Variants in COLEC12 observed in about 807,000 individuals in gnomAD.
COLEC12 encodes the protein collectin subfamily member 12, also known as collectin-12.
A neutral mutation model predicts 71.1 loss-of-function variants in COLEC12; 33 were observed. That is an observed-to-expected ratio of 0.46 (90% CI 0.35 to 0.62). COLEC12 has a LOEUF of 0.62. Among genes scored for constraint, COLEC12 ranks in the 20% least tolerant of loss-of-function variants. The pLI is 0.00. For missense variants in COLEC12, 765 were observed against 916.1 expected, an observed-to-expected ratio of 0.84 and a Z score of 2.13; for synonymous variants, 350 against 353.0, an observed-to-expected ratio of 0.99 and a Z score of 0.10.
chr18:488,227 AT>A (rs1917555207), intron 1 of COLEC12, among the ~76,000 whole-genome samples: 2 of 152,058 alleles, frequency 1.3e-5, no homozygotes, highest in South Asian at 4.2e-4. Flanking sequence ...CCTGGCCAAC[AT>A]GGTGAAACCT....
chr18:372,953 A>C (rs1462643417), intron 2 of COLEC12, among the ~76,000 whole-genome samples: 1 of 152,172 alleles, frequency 6.6e-6, no homozygotes, highest in Non-Finnish European at 1.5e-5. Flanking sequence ...CAGAGACTAC[A>C]GCTCTGTGGC....
At chr18:334,661 G>A in intron 6 of COLEC12, 81 bp downstream of exon 6, 1 of 1,238,836 alleles carries the variant, frequency 8.1e-7, no homozygotes, top group Non-Finnish European at 1.1e-6. Context: ...AACATGGGTG[G>A]GGCCACACAC....
rs1000826799 is a variant in COLEC12 at position 378,246 on chromosome 18, C to A, written c.59-20724G>T. 5.3e-5 allele frequency among the ~76,000 whole-genome samples: 8 copies of A among 152,150 alleles called. No homozygotes were observed. The East Asian group carries it at 1.5e-3, about 29-fold the overall frequency. On this transcript the variant is annotated intron_variant, in intron 2 of 9. Transcript: ENST00000400256. ...TTGGCAGAAGTTTTCAACTGCCTGGCGCTCTTCCTGGAGGGCACCCTGCAC... is the reference window on the plus strand; with the variant it reads ...TTGGCAGAAGTTTTCAACTGCCTGGAGCTCTTCCTGGAGGGCACCCTGCAC...
intron 5 of COLEC12, among the ~76,000 whole-genome samples, chr18:339,550 C>A (rs370859076): frequency 7.3e-6 from 1 of 136,380 alleles, no homozygotes; most frequent in Non-Finnish European, 1.7e-5. Context: ...TTTCCCCATC[C>A]GAAGTACTAC....
chr18:431,455 C>T (rs1314288443), intron 2 of COLEC12, among the ~76,000 whole-genome samples: 2 of 152,110 alleles, frequency 1.3e-5, no homozygotes, highest in Non-Finnish European at 2.9e-5. Context: ...ATGCCTGAGA[C>T]CCAACTGGTT....
At position 339,551 on chromosome 18, in the gene COLEC12, G is replaced by A. The variant is rs374077180; in HGVS notation, c.1328-4321C>T. Among the ~76,000 whole-genome samples, 7 of 137,022 alleles carry A rather than the reference G, an allele frequency of 5.1e-5. No homozygotes were observed. The East Asian group carries it at 5.9e-4, about 11-fold the overall frequency. The allele number at this position is 137,022 out of a possible 152,430, so 89.9% of individuals were successfully genotyped here. ...GACTTCCCAGCAAATTTCCCCATCC[G>A]AAGTACTACATCTATCCTAAATAGG... On this transcript the variant is annotated intron_variant, in intron 5 of 9. Transcript: ENST00000400256.
At chr18:460,170 G>A (rs1916953089) in intron 2 of COLEC12, among the ~76,000 whole-genome samples, 1 of 152,190 alleles carries the variant, frequency 6.6e-6, no homozygotes, top group Admixed American at 6.5e-5. Flanking sequence ...AACATACGTG[G>A]AGTCCCCCTG....
At chr18:429,623 C>G (rs1376953465) in intron 2 of COLEC12, among the ~76,000 whole-genome samples, 1 of 152,148 alleles carries the variant, frequency 6.6e-6, no homozygotes, top group Admixed American at 6.6e-5. Context: ...CTCAAGCGAA[C>G]CGCCCCCGTC....
intron 2 of COLEC12, among the ~76,000 whole-genome samples, chr18:443,503 G>A (rs1567909620): frequency 6.6e-6 from 1 of 152,204 alleles, no homozygotes; most frequent in Admixed American, 6.5e-5. Flanking sequence ...TTCTGGAAGT[G>A]TGGTTGTCTG....
At chr18:380,478 C>G (rs930267276) in intron 2 of COLEC12, among the ~76,000 whole-genome samples, 2 of 54,572 alleles carry the variant, frequency 3.7e-5, no homozygotes, top group Non-Finnish European at 7.9e-5. Context: ...GTAATAGGGA[C>G]AAGAATGGTA....
At chr18:337,683 T>C (rs1011998401) in intron 5 of COLEC12, among the ~76,000 whole-genome samples, 2 of 152,200 alleles carry the variant, frequency 1.3e-5, no homozygotes, top group African/African-American at 2.4e-5. Context: ...GACTCCTCCT[T>C]GTCTTCAGCA....
At chr18:333,869 G>A (rs1342389155) in intron 6 of COLEC12, 1 of 152,106 alleles carries the variant, frequency 6.6e-6, no homozygotes, top group Non-Finnish European at 1.5e-5. Flanking sequence ...GTCTTCTGAG[G>A]GCTGGCTCCT....
At chr18:350,403 G>A (rs1318411114) in intron 3 of COLEC12, among the ~76,000 whole-genome samples, 1 of 152,050 alleles carries the variant, frequency 6.6e-6, no homozygotes, top group Non-Finnish European at 1.5e-5. Flanking sequence ...CCCAGTCTCG[G>A]GTATGTCTTT....
intron 2 of COLEC12, among the ~76,000 whole-genome samples, chr18:380,853 A>G (rs1287850328): frequency 1.3e-5 from 2 of 152,186 alleles, no homozygotes; most frequent in Non-Finnish European, 2.9e-5. Context: ...GAGAACGTAG[A>G]GTAGACAAAA....
At chr18:368,752 G>A (rs963875065) in intron 2 of COLEC12, among the ~76,000 whole-genome samples, 3 of 152,228 alleles carry the variant, frequency 2.0e-5, no homozygotes, top group Admixed American at 6.5e-5. Context: ...TGTAGTCCCA[G>A]CTACTTCTGA....
intron 2 of COLEC12, among the ~76,000 whole-genome samples, chr18:371,595 T>C (rs1219166929): frequency 2.0e-5 from 3 of 151,568 alleles, no homozygotes; most frequent in African/African-American, 4.9e-5. Flanking sequence ...ATAGAAACAA[T>C]TTTTTTTTAA....
intron 2 of COLEC12, among the ~76,000 whole-genome samples, chr18:375,600 C>T (rs56947113): frequency 0.023 from 3,493 of 152,280 alleles, 136 homozygotes; most frequent in African/African-American, 0.079. Context: ...TGGGCTCAAG[C>T]GAGCCTCCCA....
intron 7 of COLEC12, 151 bp downstream of exon 7, chr18:332,856 T>A: frequency 1.6e-6 from 1 of 631,436 alleles, no homozygotes; most frequent in African/African-American, 1.9e-5. Flanking sequence ...TTCTAGCCAC[T>A]GGATGAAACC....
chr18:484,135 CTTGT>C (rs202203639), intron 1 of COLEC12, among the ~76,000 whole-genome samples: 10 of 152,224 alleles, frequency 6.6e-5, no homozygotes, highest in Non-Finnish European at 1.3e-4. Flanking sequence ...CTACCATTAG[CTTGT>C]TTGTTTGTTT....
Sources: gnomAD v4.1 joint callset for allele counts (sites outside exome capture counted in the v4.1 genomes callset) on GRCh38, gnomAD v4.1.1 for gene constraint, MANE v1.5 for transcripts, NCBI Gene and HGNC (gene_info 2026-07-23, HGNC 2026-07-21) for gene names.